CMSS1: variants seen among roughly 807,000 people sequenced by gnomAD.
The protein encoded by CMSS1 is cms1 ribosomal small subunit homolog.
A neutral mutation model predicts 43.5 loss-of-function variants in CMSS1; 33 were observed. The ratio of observed to expected loss-of-function variants is 0.76; its 90% confidence interval spans 0.57 to 1.01. The LOEUF is 1.01. Ranked by LOEUF, CMSS1 falls within the 50% of genes least tolerant of loss-of-function variation. CMSS1 has a pLI of 0.00. For synonymous variants in CMSS1, 115 were observed against 117.2 expected (o/e 0.98, Z 0.12); for missense variants, 313 against 326.4 (o/e 0.96, Z 0.32).
intron 1 of CMSS1, chr3:100,023,296 A>G (rs1019816653): frequency 6.6e-6 from 1 of 152,580 alleles, no homozygotes; most frequent in African/African-American, 2.4e-5. Context: ...TGCTATGACA[A>G]CTGACTGGTT....
intron 1 of CMSS1, among the ~76,000 whole-genome samples, chr3:100,091,304 A>G (rs1280032980): frequency 1.3e-5 from 2 of 151,234 alleles, no homozygotes; most frequent in South Asian, 2.1e-4. Flanking sequence ...AAAAAAAAAG[A>G]AAAAAGAAAC....
intron 2 of CMSS1, among the ~76,000 whole-genome samples, chr3:100,148,495 T>C (rs1446878145): frequency 1.3e-5 from 2 of 152,172 alleles, no homozygotes; most frequent in Admixed American, 1.3e-4. Context: ...TACACCAGAG[T>C]GTTATTCTAC....
intron 1 of CMSS1, among the ~76,000 whole-genome samples, chr3:100,111,945 C>T (rs998074823): frequency 2.0e-5 from 3 of 152,184 alleles, no homozygotes; most frequent in African/African-American, 4.8e-5. Flanking sequence ...AGTAATCAGA[C>T]TCTCTGTGCA....
At chr3:99,858,371 A>G (rs1944077161) in intron 1 of CMSS1, among the ~76,000 whole-genome samples, 1 of 152,278 alleles carries the variant, frequency 6.6e-6, no homozygotes, top group African/African-American at 2.4e-5. Flanking sequence ...AGGCTGAGGC[A>G]GGAGAATTGC....
intron 1 of CMSS1, chr3:100,114,120 A>G (rs1025310463): frequency 2.6e-5 from 4 of 152,098 alleles, no homozygotes; most frequent in Non-Finnish European, 4.4e-5. Context: ...CCAAAATCCA[A>G]CAGTGGAATC....
chr3:99,880,687 A>T (rs958990680), intron 1 of CMSS1, among the ~76,000 whole-genome samples: 3 of 152,046 alleles, frequency 2.0e-5, no homozygotes, highest in Admixed American at 1.3e-4. Flanking sequence ...AAATTAATTT[A>T]AAATTTTTTT....
At chr3:100,022,214 G>A (rs533328844) in intron 1 of CMSS1, among the ~76,000 whole-genome samples, 18 of 152,280 alleles carry the variant, frequency 1.2e-4, no homozygotes, top group African/African-American at 4.3e-4. Context: ...AATTGCAGTA[G>A]CATTGAGAGA....
At chr3:100,014,194 GTA>G (rs1000329671) in intron 1 of CMSS1, among the ~76,000 whole-genome samples, 1 of 150,408 alleles carries the variant, frequency 6.6e-6, no homozygotes, top group Non-Finnish European at 1.5e-5. Flanking sequence ...CATTGTATAT[GTA>G]TATATATATT....
chr3:99,951,996 C>A (rs781354662), intron 1 of CMSS1, among the ~76,000 whole-genome samples: 1 of 152,138 alleles, frequency 6.6e-6, no homozygotes, highest in African/African-American at 2.4e-5. Flanking sequence ...TGCCCCCACA[C>A]CCTTAGTTGA....
chr3:99,849,100 C>T (rs756006205), intron 1 of CMSS1: 3 of 1,614,136 alleles, frequency 1.9e-6, no homozygotes, highest in Admixed American at 3.3e-5. Context: ...CCATAGCTTT[C>T]TGTTAACAGG....
In CMSS1 at chr3:100,171,863, C is replaced by T. The variant is rs566817716; in HGVS notation, c.543C>T (p.Asp181=). The T allele has an allele frequency of 3.5e-5, 56 of 1,613,848 alleles. No homozygotes were observed. In the Middle Eastern group the frequency reaches 2.0e-3, roughly 57 times the overall value. The stretch of plus-strand genomic sequence containing the variant: ...GGTCGATGACAGCATTCAGAGGAGA[C>T]GGCAAAGTTATAAAATTATTTGCAA... ...LIRSMTAFRG[D]GKVIKLFAKH... is the part of the protein sequence containing the mutation. Residue 181 remains aspartate, a synonymous_variant, in exon 7 of 10, where the codon GAC becomes GAT. Coordinates refer to ENST00000421999, the MANE Select transcript of CMSS1 (RefSeq NM_032359.4).
intron 1 of CMSS1, among the ~76,000 whole-genome samples, chr3:100,007,756 A>G (rs1263539660): frequency 1.3e-5 from 2 of 152,016 alleles, no homozygotes; most frequent in Non-Finnish European, 2.9e-5. Context: ...ACTGTTACCA[A>G]TTGTGATATA....
intron 1 of CMSS1, among the ~76,000 whole-genome samples, chr3:99,847,458 A>C (rs1943417215): frequency 6.6e-6 from 1 of 152,024 alleles, no homozygotes; most frequent in Admixed American, 6.6e-5. Context: ...TCTCTGGTAG[A>C]AATACAGTCA....
At chr3:100,089,243 T>C (rs1406549099) in intron 1 of CMSS1, among the ~76,000 whole-genome samples, 2 of 152,210 alleles carry the variant, frequency 1.3e-5, no homozygotes, top group Non-Finnish European at 2.9e-5. Flanking sequence ...TGATCTGCTT[T>C]CCAATTTTTC....
intron 1 of CMSS1, among the ~76,000 whole-genome samples, chr3:100,117,830 T>TATATATATATATATATATATAC (rs2066585353): frequency 1.1e-5 from 1 of 87,772 alleles, no homozygotes; most frequent in Non-Finnish European, 2.2e-5. Context: ...CTGCAGTATA[T>TATATATATATATATATATATAC]ATATATATAT....
Position 100,160,055 on chromosome 3 carries a change from G to A in CMSS1, c.154-375G>A, listed in dbSNP as rs143400272. On this transcript the variant is annotated intron_variant, in intron 2 of 9. Coordinates refer to ENST00000421999, the MANE Select transcript of CMSS1 (RefSeq NM_032359.4). Reference sequence around the variant, plus strand: ...TTCATGGAAAACCTTAGTCACTCTAGTCAAAGACTGTCTTACCACATCTTA... The same window carrying A: ...TTCATGGAAAACCTTAGTCACTCTAATCAAAGACTGTCTTACCACATCTTA... The A allele has an allele frequency of 6.5e-3, 2,565 of 394,812 alleles. 15 individuals carry two copies. The highest frequency in any genetic ancestry group is 7.8e-3 in the South Asian group (417 of 53,260). The allele number at this position is 394,812 out of a possible 1,614,324, so 24.5% of individuals were successfully genotyped here.
chr3:99,851,555 T>C (rs1943697589), intron 1 of CMSS1, among the ~76,000 whole-genome samples: 1 of 152,254 alleles, frequency 6.6e-6, no homozygotes, highest in African/African-American at 2.4e-5. Flanking sequence ...TTATGAAAAT[T>C]AAATGCGGTA....
At position 100,180,074 on chromosome 3, in the gene CMSS1, G is replaced by T. The variant is rs1474244881; in HGVS notation, c.*1686G>T. The T allele has an allele frequency of 6.6e-6, 1 of 152,320 alleles. No homozygotes were observed. The highest frequency in any genetic ancestry group is 2.4e-5 in the African/African-American group (1 of 41,454). The allele number at this position is 152,320 out of a possible 1,614,324, so 9.4% of individuals were successfully genotyped here. A position where few individuals can be genotyped will look rare whatever the true frequency, so the allele number is the denominator to read the frequency against. Reference sequence around the variant, plus strand: ...CCTTTTAGTCACAGCTGGAGCTGGGGCAGCTGGGAATTAGGCTGCCATGTC... The same window carrying T: ...CCTTTTAGTCACAGCTGGAGCTGGGTCAGCTGGGAATTAGGCTGCCATGTC... On this transcript the variant is annotated 3_prime_UTR_variant, in exon 10 of 10. Transcript: ENST00000421999.
intron 1 of CMSS1, among the ~76,000 whole-genome samples, chr3:99,894,969 C>A (rs192305662): frequency 2.6e-5 from 4 of 152,160 alleles, no homozygotes; most frequent in African/African-American, 4.8e-5. Flanking sequence ...CAAATGTGTT[C>A]CAGGTTCCCA....
Sources: gnomAD v4.1 joint callset for allele counts (sites outside exome capture counted in the v4.1 genomes callset) on GRCh38, gnomAD v4.1.1 for gene constraint, MANE v1.5 for transcripts, NCBI Gene and HGNC (gene_info 2026-07-23, HGNC 2026-07-21) for gene names.